FCHO1: variants seen among roughly 807,000 people sequenced by gnomAD.
FCHO1 encodes F-BAR domain only protein 1.
Under a neutral mutation model 114.4 loss-of-function variants are expected in FCHO1, and 45 were observed. The observed-to-expected ratio is 0.39, with a 90% CI of 0.31 to 0.50. The LOEUF is 0.50. Ranked by LOEUF, FCHO1 falls within the 20% of genes least tolerant of loss-of-function variation. The pLI, the probability that FCHO1 is intolerant of heterozygous loss-of-function variation, is 0.77. For synonymous variants in FCHO1, 480 were observed against 488.9 expected (o/e 0.98, Z 0.24); for missense variants, 1,042 against 1,209.6 (o/e 0.86, Z 2.06).
chr19:17,759,933 A>G (rs945290474), intron 4 of FCHO1, among the ~76,000 whole-genome samples: 2 of 151,718 alleles, frequency 1.3e-5, no homozygotes. Flanking sequence ...GGTCTCAATT[A>G]TTTTTCTTAC....
intron 4 of FCHO1, among the ~76,000 whole-genome samples, chr19:17,757,978 G>A (rs2084411067): frequency 6.6e-6 from 1 of 151,146 alleles, no homozygotes; most frequent in Non-Finnish European, 1.5e-5. Context: ...GCATTTGGGA[G>A]GCCGAGGCAG....
rs372516949 is a variant in FCHO1 at position 17,778,844 on chromosome 19, G to C, written c.1587G>C (p.Ser529=). 1 of 1,564,434 alleles carries C rather than the reference G, an allele frequency of 6.4e-7. No individual in the cohort carries two copies. Among genetic ancestry groups the C allele is most frequent in the Non-Finnish European group, 8.6e-7 (1 of 1,162,994 alleles). ...PLPDSPQPLA[S]SPGPWGLEAL... is the part of the protein sequence containing the mutation. ...CAGACTCGCCGCAGCCCCTCGCCTC[G>C]TCTCCAGGCCCCTGGGGGCTGGAGG... is the stretch of plus-strand genomic sequence containing the variant. The change falls in exon 20 of 29, where the codon TCG becomes TCC. Residue 529 remains serine, a synonymous_variant. Coordinates refer to ENST00000596536, the MANE Select transcript of FCHO1 (RefSeq NM_015122.3).
chr19:17,768,525 A>G (rs529343495), intron 7 of FCHO1, among the ~76,000 whole-genome samples: 79 of 151,184 alleles, frequency 5.2e-4, no homozygotes, highest in African/African-American at 1.9e-3. Flanking sequence ...AACCCTGTCT[A>G]TACTAAAAAC....
intron 26 of FCHO1, among the ~76,000 whole-genome samples, 160 bp downstream of exon 26, chr19:17,785,084 G>A (rs556724702): frequency 2.0e-5 from 3 of 152,356 alleles, no homozygotes; most frequent in Non-Finnish European, 4.4e-5. Context: ...GCCAGGTGCA[G>A]TGGCTCATGC....
chr19:17,757,118 G>T (rs929406629), intron 4 of FCHO1, among the ~76,000 whole-genome samples: 1 of 151,460 alleles, frequency 6.6e-6, no homozygotes, highest in Non-Finnish European at 1.5e-5. Context: ...GAACCCGGGA[G>T]GTGGAAGTCG....
Position 17,766,654 on chromosome 19 carries a change from C to G in FCHO1, c.195-15C>G. The G allele has an allele frequency of 6.2e-7, 1 of 1,613,876 alleles. No individual in the cohort carries two copies. The highest frequency in any genetic ancestry group is 8.5e-7 in the Non-Finnish European group (1 of 1,179,942). On this transcript the variant is annotated splice_polypyrimidine_tract_variant and intron_variant, in intron 6 of 28. Transcript: ENST00000596536. ...GAGCCTGATGAACCCTGGGTGTGAC[C>G]TTGCCCGCCCCCAGGACCTTCGCCC...
In FCHO1 at chr19:17,783,001, C is replaced by G. The variant is rs1555731708; in HGVS notation, c.1938-16C>G. On this transcript the variant is annotated splice_polypyrimidine_tract_variant and intron_variant, in intron 23 of 28. Coordinates refer to ENST00000596536, the MANE Select transcript of FCHO1 (RefSeq NM_015122.3). ...CAGAGCCCTAAGCCAACACCCAGTCCCCTCATCCTCCCTAGCTGCCTGGCT... is the reference window on the plus strand; with the variant it reads ...CAGAGCCCTAAGCCAACACCCAGTCGCCTCATCCTCCCTAGCTGCCTGGCT... 1.9e-6 allele frequency: 3 copies of G among 1,613,032 alleles called. No individual in the cohort carries two copies. Among genetic ancestry groups the G allele is most frequent in the South Asian group, 2.2e-5 (2 of 90,952 alleles).
intron 13 of FCHO1, 76 bp downstream of exon 13, chr19:17,774,554 C>G: frequency 8.2e-7 from 1 of 1,224,720 alleles, no homozygotes; most frequent in South Asian, 1.3e-5. Context: ...TCCCAGAAGT[C>G]CCCTCCTAGG....
At chr19:17,774,737 C>G in intron 13 of FCHO1, 2 of 588,210 alleles carry the variant, frequency 3.4e-6, no homozygotes, top group South Asian at 2.1e-5. Context: ...AACGTAGCAT[C>G]TTCCCTGCCC....
At chr19:17,777,451 G>T (rs1217481683) in intron 18 of FCHO1, among the ~76,000 whole-genome samples, 3 of 142,418 alleles carry the variant, frequency 2.1e-5, no homozygotes, top group Non-Finnish European at 3.0e-5. Flanking sequence ...CAGGAGAATC[G>T]CTTGAACCTG....
intron 20 of FCHO1, among the ~76,000 whole-genome samples, chr19:17,781,027 A>G (rs1171313481): frequency 6.6e-6 from 1 of 152,190 alleles, no homozygotes; most frequent in Non-Finnish European, 1.5e-5. Context: ...TTGGGCCACC[A>G]TTCTGGTGTC....
intron 19 of FCHO1, 128 bp from the exon 20 acceptor site, chr19:17,778,481 G>A: frequency 9.4e-7 from 1 of 1,059,918 alleles, no homozygotes; most frequent in Non-Finnish European, 1.3e-6. Flanking sequence ...TAGCCTTGGG[G>A]GCGTGCACAA....
chr19:17,779,196 A>G (rs917958857), intron 20 of FCHO1, among the ~76,000 whole-genome samples: 6 of 152,148 alleles, frequency 3.9e-5, no homozygotes, highest in African/African-American at 1.4e-4. Flanking sequence ...GTCCTGGGGC[A>G]GGAGCGCGCT....
intron 6 of FCHO1, among the ~76,000 whole-genome samples, chr19:17,765,853 C>T (rs978999719): frequency 5.5e-5 from 8 of 145,102 alleles, no homozygotes; most frequent in Non-Finnish European, 9.0e-5. Flanking sequence ...CAAATTGACT[C>T]GATTGGGGCA....
intron 7 of FCHO1, 43 bp from the exon 8 acceptor site, chr19:17,770,382 G>C: frequency 6.4e-7 from 1 of 1,567,816 alleles, no homozygotes; most frequent in Non-Finnish European, 8.7e-7. Flanking sequence ...TGGGAGGTCA[G>C]GAATTTCACA....
chr19:17,764,992 A>T (rs2146684135), intron 6 of FCHO1, among the ~76,000 whole-genome samples: 1 of 149,768 alleles, frequency 6.7e-6, no homozygotes, highest in South Asian at 2.1e-4. Flanking sequence ...TGAACCCAGG[A>T]GGCGGAGGTT....
Position 17,784,370 on chromosome 19 carries a change from G to A in FCHO1, c.2226+135G>A. On this transcript the variant is annotated intron_variant, in intron 25 of 28. Coordinates refer to ENST00000596536, the MANE Select transcript of FCHO1 (RefSeq NM_015122.3). This position sits in a 1 kb window ranked among gnomAD's most constrained non-coding sequence, Gnocchi z 5.3. The stretch of plus-strand genomic sequence containing the variant: ...ACCTCAAGAGATCCAATCTGTGAGA[G>A]CCGATGAGCTGGAGGGAGTAGGCAG... 2.6e-6 allele frequency: 3 copies of A among 1,145,806 alleles called. No individual in the cohort carries two copies. The allele number at this position is 1,145,806 out of a possible 1,614,324, so 71.0% of individuals were successfully genotyped here. A position where few individuals can be genotyped will look rare whatever the true frequency, so the allele number is the denominator to read the frequency against.
At chr19:17,786,735 T>C in intron 27 of FCHO1, 106 bp downstream of exon 27, 2 of 1,237,200 alleles carry the variant, frequency 1.6e-6, no homozygotes, top group Admixed American at 2.1e-5. Flanking sequence ...GGCGGGCAAG[T>C]ATGGGCATTG....
intron 13 of FCHO1, 153 bp downstream of exon 13, chr19:17,774,631 A>C: frequency 1.6e-6 from 1 of 630,426 alleles, no homozygotes; most frequent in East Asian, 2.8e-5. Context: ...GACCAGGAGT[A>C]CCTCTGCCCC....
Sources: gnomAD v4.1 joint callset for allele counts (sites outside exome capture counted in the v4.1 genomes callset) on GRCh38, gnomAD v4.1.1 for gene constraint, Gnocchi (gnomAD v3.1) non-coding constraint, MANE v1.5 for transcripts, NCBI Gene and HGNC (gene_info 2026-07-23, HGNC 2026-07-21) for gene names.